Variants in GALNT13 observed in about 807,000 individuals in gnomAD.
GALNT13 encodes polypeptide N-acetylgalactosaminyltransferase 13, also known as UDP-GalNAc:polypeptide N-acetylgalactosaminyltransferase 13.
A neutral mutation model predicts 64.2 loss-of-function variants in GALNT13; 28 were observed. The ratio of observed to expected loss-of-function variants is 0.44; its 90% CI spans 0.32 to 0.60. The LOEUF is 0.60. Among genes scored for constraint, GALNT13 ranks in the 20% least tolerant of loss-of-function variants. The pLI is 0.05. For missense variants in GALNT13, 577 were observed against 669.8 expected, an observed-to-expected ratio of 0.86 and a Z score of 1.53; for synonymous variants, 214 against 224.6, an observed-to-expected ratio of 0.95 and a Z score of 0.42.
chr2:154,419,939 A>G (rs1269568612), intron 11 of GALNT13, among the ~76,000 whole-genome samples: 3 of 152,110 alleles, frequency 2.0e-5, no homozygotes, highest in African/African-American at 7.2e-5. Flanking sequence ...TGCATAACTG[A>G]GATTAATATT....
At chr2:153,445,997 A>T in the GALNT13 span, among the ~76,000 whole-genome samples, 2 of 152,060 alleles carry the variant, frequency 1.3e-5, no homozygotes, top group African/African-American at 2.4e-5. Context: ...ATTTATATTT[A>T]TTACTTTCAA....
At chr2:154,021,395 TCTC>T (rs1325328069) in intron 3 of GALNT13, among the ~76,000 whole-genome samples, 1 of 152,168 alleles carries the variant, frequency 6.6e-6, no homozygotes, top group Non-Finnish European at 1.5e-5. Context: ...GGTTTGTAGT[TCTC>T]CTTGAAGAGG....
the GALNT13 span, among the ~76,000 whole-genome samples, chr2:153,326,216 G>A: frequency 4.0e-5 from 6 of 151,400 alleles, no homozygotes; most frequent in South Asian, 4.2e-4. Flanking sequence ...GCATTGATGC[G>A]TTTACCATTA....
At chr2:153,400,610 A>T in the GALNT13 span, among the ~76,000 whole-genome samples, 1 of 152,044 alleles carries the variant, frequency 6.6e-6, no homozygotes, top group Non-Finnish European at 1.5e-5. Flanking sequence ...AGCTCCTGTT[A>T]TTGGTCTATT....
chr2:153,316,938 A>G, the GALNT13 span, among the ~76,000 whole-genome samples: 4 of 152,158 alleles, frequency 2.6e-5, no homozygotes, highest in African/African-American at 7.2e-5. Flanking sequence ...GCAATTTGTC[A>G]AAATTAATAT....
the GALNT13 span, among the ~76,000 whole-genome samples, chr2:153,487,620 A>C: frequency 1.3e-5 from 2 of 152,202 alleles, no homozygotes; most frequent in Non-Finnish European, 2.9e-5. Context: ...TATGAAGAGC[A>C]TGTAATCCAG....
At chr2:154,038,238 T>A (rs4257352) in intron 3 of GALNT13, among the ~76,000 whole-genome samples, 116,393 of 152,088 alleles carry the variant, frequency 0.77, 44,926 homozygotes, top group East Asian at 0.96. Flanking sequence ...CTATTAAAAT[T>A]TCAATGACAT....
chr2:153,326,992 G>A, the GALNT13 span, among the ~76,000 whole-genome samples: 2,128 of 152,194 alleles, frequency 0.014, 55 homozygotes, highest in African/African-American at 0.049. Context: ...GCTGAGGCAG[G>A]AGAATCGCTT....
the GALNT13 span, among the ~76,000 whole-genome samples, chr2:153,605,944 A>G: frequency 6.6e-6 from 1 of 151,992 alleles, no homozygotes; most frequent in African/African-American, 2.4e-5. Context: ...AGGGTCTGTG[A>G]GATGCTGTGA....
the GALNT13 span, among the ~76,000 whole-genome samples, chr2:153,623,695 A>T: frequency 6.6e-6 from 1 of 151,986 alleles, no homozygotes; most frequent in Non-Finnish European, 1.5e-5. Flanking sequence ...CAGTTTATTT[A>T]AAATTTTTAG....
At chr2:154,300,905 G>A (rs985444218) in intron 8 of GALNT13, among the ~76,000 whole-genome samples, 2 of 152,148 alleles carry the variant, frequency 1.3e-5, no homozygotes, top group African/African-American at 2.4e-5. Context: ...TGAAGGATAT[G>A]TAGACCTTGA....
intron 8 of GALNT13, chr2:154,286,983 G>T: frequency 1.8e-6 from 1 of 568,418 alleles, no homozygotes. Flanking sequence ...AGTCAGTGGT[G>T]GCTCACTTTG....
intron 4 of GALNT13, among the ~76,000 whole-genome samples, chr2:154,211,615 C>T (rs1424008434): frequency 6.9e-5 from 6 of 87,178 alleles, no homozygotes; most frequent in African/African-American, 2.4e-4. Flanking sequence ...GCAACAAGAG[C>T]GAAACTCCAT....
At chr2:154,337,171 G>A (rs1462738770) in intron 9 of GALNT13, among the ~76,000 whole-genome samples, 2 of 152,060 alleles carry the variant, frequency 1.3e-5, no homozygotes, top group Non-Finnish European at 2.9e-5. Flanking sequence ...TTAATAATTT[G>A]TAAAATGGAA....
At chr2:154,295,964 C>A (rs189799681) in intron 8 of GALNT13, among the ~76,000 whole-genome samples, 1 of 152,262 alleles carries the variant, frequency 6.6e-6, no homozygotes, top group Admixed American at 6.5e-5. Context: ...TTACTGTTTT[C>A]TTAAAACTGT....
At chr2:154,323,611 T>C (rs2105170103) in intron 9 of GALNT13, among the ~76,000 whole-genome samples, 1 of 152,210 alleles carries the variant, frequency 6.6e-6, no homozygotes, top group South Asian at 2.1e-4. Flanking sequence ...CTTTACGTGG[T>C]TAAAATTAAT....
At chr2:153,697,446 C>T in the GALNT13 span, among the ~76,000 whole-genome samples, 5 of 152,094 alleles carry the variant, frequency 3.3e-5, no homozygotes, top group Non-Finnish European at 4.4e-5. Flanking sequence ...CACATGGCCC[C>T]CCAAAATTTC....
intron 8 of GALNT13, among the ~76,000 whole-genome samples, chr2:154,290,791 A>C (rs920322406): frequency 1.3e-5 from 2 of 152,002 alleles, no homozygotes; most frequent in African/African-American, 4.8e-5. Context: ...TGATGTTCGG[A>C]CGTGTCTAGA....
At chr2:153,565,594 T>G in the GALNT13 span, among the ~76,000 whole-genome samples, 3 of 152,178 alleles carry the variant, frequency 2.0e-5, no homozygotes, top group South Asian at 6.2e-4. Flanking sequence ...CAAGACAATG[T>G]GTTATGAAAC....
Sources: allele counts gnomAD v4.1 joint callset (sites outside exome capture counted in the v4.1 genomes callset), GRCh38; gene constraint gnomAD v4.1.1; transcripts MANE v1.5; gene names NCBI Gene and HGNC (gene_info 2026-07-23, HGNC 2026-07-21).